RORA: variants seen among roughly 807,000 people sequenced by gnomAD.
RORA encodes RAR related orphan receptor A.
A neutral mutation model predicts 69.5 loss-of-function variants in RORA; 7 were observed. The observed-to-expected ratio is 0.10, with a 90% CI of 0.06 to 0.19. The LOEUF (loss-of-function observed/expected upper bound fraction) is 0.19. RORA is among the 10% of genes least tolerant of loss of function. The pLI, the probability that RORA is intolerant of heterozygous loss-of-function variation, is 1.00. For missense variants in RORA, 457 were observed against 663.0 expected (o/e 0.69, Z 3.41); for synonymous variants, 261 against 240.8 (o/e 1.08, Z -0.78).
At chr15:60,605,424 A>C (rs1039476994) in intron 2 of RORA, among the ~76,000 whole-genome samples, 2 of 152,180 alleles carry the variant, frequency 1.3e-5, no homozygotes, top group Non-Finnish European at 2.9e-5. Context: ...GGCAATAAAA[A>C]CCAATAATTT....
intron 1 of RORA, among the ~76,000 whole-genome samples, chr15:60,749,901 G>A (rs550616381): frequency 1.3e-5 from 2 of 152,174 alleles, no homozygotes; most frequent in East Asian, 3.9e-4. Flanking sequence ...GTGGTAGTGT[G>A]CGCCTGTAGT....
intron 1 of RORA, among the ~76,000 whole-genome samples, chr15:60,996,884 T>TGGGAGACA (rs1234811144): frequency 1.8e-4 from 27 of 151,554 alleles, no homozygotes; most frequent in African/African-American, 6.6e-4. Flanking sequence ...CACTCCAGCC[T>TGGGAGACA]GGGAGACAGG....
intron 1 of RORA, among the ~76,000 whole-genome samples, chr15:61,140,968 G>GT (rs896064801): frequency 6.6e-6 from 1 of 152,010 alleles, no homozygotes; most frequent in African/African-American, 2.4e-5. Context: ...AAGAAAAGCT[G>GT]TTTTTTCACA....
intron 2 of RORA, among the ~76,000 whole-genome samples, chr15:60,535,200 T>C (rs1310627323): frequency 1.3e-5 from 2 of 152,194 alleles, no homozygotes; most frequent in Non-Finnish European, 2.9e-5. Context: ...ACTGTCAACG[T>C]TCACAAGTAT....
intron 1 of RORA, among the ~76,000 whole-genome samples, chr15:60,947,104 G>A (rs1191720254): frequency 2.7e-5 from 4 of 145,568 alleles, no homozygotes; most frequent in Non-Finnish European, 6.2e-5. Context: ...CTGTCCGGGA[G>A]GGAGGTGGGG....
intron 1 of RORA, among the ~76,000 whole-genome samples, chr15:61,121,848 TAAA>T (rs35795727): frequency 1.5e-5 from 2 of 133,126 alleles, no homozygotes. Context: ...TGACTTCCTA[TAAA>T]AAAAAAAAAG....
At chr15:60,666,274 C>A (rs1009289755) in intron 2 of RORA, among the ~76,000 whole-genome samples, 1 of 151,112 alleles carries the variant, frequency 6.6e-6, no homozygotes, top group Non-Finnish European at 1.5e-5. Flanking sequence ...CTCAAGCAAT[C>A]CTCCCAGCTC....
At chr15:60,829,138 G>C (rs1453999360) in intron 1 of RORA, among the ~76,000 whole-genome samples, 1 of 152,122 alleles carries the variant, frequency 6.6e-6, no homozygotes, top group Non-Finnish European at 1.5e-5. Context: ...GCCCACTCTG[G>C]TTCAAGCCTC....
At chr15:60,639,225 T>A (rs78322333) in intron 2 of RORA, among the ~76,000 whole-genome samples, 2 of 48,570 alleles carry the variant, frequency 4.1e-5, no homozygotes, top group Non-Finnish European at 7.4e-5. Flanking sequence ...TTGTATTTTT[T>A]TTTTTTTTTT....
intron 1 of RORA, among the ~76,000 whole-genome samples, chr15:61,008,066 A>G (rs2140389829): frequency 6.6e-6 from 1 of 152,102 alleles, no homozygotes; most frequent in Non-Finnish European, 1.5e-5. Flanking sequence ...TTTTATTTTT[A>G]AATGTAAATA....
At chr15:60,912,425 C>CA (rs34706939) in intron 1 of RORA, among the ~76,000 whole-genome samples, 2 of 151,056 alleles carry the variant, frequency 1.3e-5, no homozygotes, top group African/African-American at 4.9e-5. Flanking sequence ...GACCATGCCT[C>CA]AAAAAAACAA....
intron 1 of RORA, among the ~76,000 whole-genome samples, chr15:60,789,978 T>C (rs341450): frequency 9.8e-4 from 149 of 152,358 alleles, no homozygotes; most frequent in African/African-American, 3.5e-3. Flanking sequence ...CAGCAGCCTA[T>C]AGATGATACA....
chr15:60,544,457 C>T (rs2067004697), intron 2 of RORA, among the ~76,000 whole-genome samples: 1 of 152,042 alleles, frequency 6.6e-6, no homozygotes, highest in South Asian at 2.1e-4. Context: ...ACACCGAACC[C>T]CTCGTGCTCT....
At chr15:60,779,648 A>T (rs971487893) in intron 1 of RORA, among the ~76,000 whole-genome samples, 3 of 152,226 alleles carry the variant, frequency 2.0e-5, no homozygotes, top group Non-Finnish European at 2.9e-5. Flanking sequence ...TTAGTAATCC[A>T]CACTTCTTCT....
chr15:60,997,622 A>T (rs925700779), intron 1 of RORA, among the ~76,000 whole-genome samples: 3 of 152,170 alleles, frequency 2.0e-5, no homozygotes, highest in African/African-American at 7.2e-5. Flanking sequence ...TCAAATACTC[A>T]CATTTATCTT....
intron 1 of RORA, among the ~76,000 whole-genome samples, chr15:61,091,499 C>T (rs2078706447): frequency 3.3e-5 from 5 of 152,206 alleles, no homozygotes; most frequent in Admixed American, 3.3e-4. Context: ...TTGGCACACA[C>T]ACTCCCACTT....
At chr15:60,782,569 T>C (rs1038519693) in intron 1 of RORA, among the ~76,000 whole-genome samples, 1 of 152,236 alleles carries the variant, frequency 6.6e-6, no homozygotes, top group African/African-American at 2.4e-5. Context: ...TCATATGATA[T>C]GAAGTCACTC....
chr15:61,113,135 CT>C lies in RORA; in HGVS notation c.166+115917del, dbSNP rs373252550. On this transcript the variant is annotated intron_variant, in intron 1 of 10. Transcript: ENST00000335670. ...TCTGGCTCCTGCTATGGGTTGCCCC[CT>C]GGAATAGGTAAGATTTTGTGCCTCT... Among the ~76,000 whole-genome samples, 637 of 152,334 alleles carry C rather than the reference CT, an allele frequency of 4.2e-3. 6 individuals carry two copies. Among genetic ancestry groups the C allele is most frequent in the African/African-American group, 0.015 (603 of 41,572 alleles).
At chr15:60,808,504 G>C (rs1380135345) in intron 1 of RORA, among the ~76,000 whole-genome samples, 1 of 152,058 alleles carries the variant, frequency 6.6e-6, no homozygotes, top group Non-Finnish European at 1.5e-5. Flanking sequence ...ACTGGGTGGA[G>C]TTTTCTTAAA....
Sources: gnomAD v4.1 joint callset for allele counts (sites outside exome capture counted in the v4.1 genomes callset) on GRCh38, gnomAD v4.1.1 for gene constraint, MANE v1.5 for transcripts, NCBI Gene and HGNC (gene_info 2026-07-23, HGNC 2026-07-21) for gene names.